Variants in CHD2 observed in about 807,000 individuals in gnomAD.
CHD2 encodes the protein ATP-dependent chromatin remodeler CHD2.
CHD2 carries 28 observed loss-of-function variants against 243.9 expected under a neutral mutation model. That is an observed-to-expected ratio of 0.11 (90% CI 0.09 to 0.16). The LOEUF is 0.16. Among genes scored for constraint, CHD2 ranks in the 10% least tolerant of loss-of-function variants. The pLI is 1.00. For synonymous variants in CHD2, 775 were observed against 779.0 expected, an observed-to-expected ratio of 0.99 and a Z score of 0.09; for missense variants, 1,386 against 2,209.8, an observed-to-expected ratio of 0.63 and a Z score of 7.47.
chr15:93,016,563 AC>A (rs2054462979), intron 37 of CHD2, among the ~76,000 whole-genome samples: 2 of 152,216 alleles, frequency 1.3e-5, no homozygotes, highest in Admixed American at 1.3e-4. Flanking sequence ...ATAAATACAT[AC>A]AATTTTTAAT....
In CHD2 at chr15:92,901,199, A is replaced by G. The variant is rs1163644431; in HGVS notation, c.-39A>G. On this transcript the variant is annotated 5_prime_UTR_variant, in exon 2 of 39. Coordinates refer to ENST00000394196, the MANE Select transcript of CHD2 (RefSeq NM_001271.4). The stretch of plus-strand genomic sequence containing the variant: ...CTGGGCACAGGACTTCAAAGCAAAC[A>G]CAGATTCCCCCTCCCCCTTAATATT... The G allele has an allele frequency of 7.7e-7, 1 of 1,294,038 alleles. No homozygotes were observed. Among genetic ancestry groups the G allele is most frequent in the Non-Finnish European group, 1.1e-6 (1 of 894,246 alleles). The allele number at this position is 1,294,038 out of a possible 1,614,324, so 80.2% of individuals were successfully genotyped here.
At chr15:92,918,393 TA>T (rs1231477222) in intron 2 of CHD2, among the ~76,000 whole-genome samples, 1 of 152,232 alleles carries the variant, frequency 6.6e-6, no homozygotes, top group Non-Finnish European at 1.5e-5. Context: ...ATTTGTTAAG[TA>T]AAAAATTATA....
chr15:92,914,357 AT>A (rs2052795568), intron 2 of CHD2, among the ~76,000 whole-genome samples: 1 of 152,232 alleles, frequency 6.6e-6, no homozygotes, highest in Non-Finnish European at 1.5e-5. Flanking sequence ...CCAGATCCTG[AT>A]TAGGTAGGTA....
intron 28 of CHD2, among the ~76,000 whole-genome samples, chr15:92,994,676 T>C (rs578133347): frequency 6.6e-6 from 1 of 152,352 alleles, no homozygotes; most frequent in Non-Finnish European, 1.5e-5. Context: ...AACGTATTCC[T>C]GTTACTTCTT....
At position 93,020,282 on chromosome 15, in the gene CHD2, C is replaced by T. The variant is rs370525738; in HGVS notation, c.5153+24C>T. The T allele has an allele frequency of 3.8e-5, 61 of 1,613,918 alleles. No homozygotes were observed. In the African/African-American group the frequency reaches 6.7e-4, roughly 18 times the overall value. On this transcript the variant is annotated intron_variant, in intron 38 of 38. Coordinates refer to ENST00000394196, the MANE Select transcript of CHD2 (RefSeq NM_001271.4). Reference sequence around the variant, plus strand: ...AGGTATGCAAAAGGCTGTGAGACACCAGGTGCCAACCTTTGCCAGGAGCTG... The same window carrying T: ...AGGTATGCAAAAGGCTGTGAGACACTAGGTGCCAACCTTTGCCAGGAGCTG...
rs748764469 is a variant in CHD2, at chr15:92,906,243, TTC to T, written c.62+4952_62+4953del. Among the ~76,000 whole-genome samples, 5 of 152,022 alleles carry T rather than the reference TTC, an allele frequency of 3.3e-5. No individual in the cohort carries two copies. In the South Asian group the frequency reaches 8.3e-4, roughly 25 times the overall value. The stretch of plus-strand genomic sequence containing the variant: ...CAGCAAGAAAAGAGTGTTGATCGAT[TTC>T]TCTCTCTTTCTCTCTCTCTCTCTGT... On this transcript the variant is annotated intron_variant, in intron 2 of 38. Coordinates refer to ENST00000394196, the MANE Select transcript of CHD2 (RefSeq NM_001271.4).
intron 4 of CHD2, 66 bp from the exon 5 acceptor site, chr15:92,928,964 A>T (rs566021904): frequency 1.4e-6 from 2 of 1,443,162 alleles, no homozygotes; most frequent in East Asian, 2.4e-5. Context: ...GATCCAGGAG[A>T]TAGTGTTGTC....
chr15:92,991,569 T>C (rs751586636), intron 27 of CHD2, 52 bp downstream of exon 27: 3 of 1,336,690 alleles, frequency 2.2e-6, no homozygotes, highest in Non-Finnish European at 3.1e-6. Flanking sequence ...TTTTATTATA[T>C]AGTACGTTCT....
At chr15:92,929,165 T>A (rs1379122795) in intron 5 of CHD2, 74 bp downstream of exon 5, 4 of 1,418,578 alleles carry the variant, frequency 2.8e-6, no homozygotes, top group Non-Finnish European at 3.9e-6. Flanking sequence ...CTGCCTTCGT[T>A]GTGTCTTTAG....
intron 2 of CHD2, chr15:92,904,880 T>C (rs2052590474): frequency 1.3e-6 from 2 of 1,532,212 alleles, no homozygotes; most frequent in South Asian, 1.2e-5. Flanking sequence ...TGAAAACCTC[T>C]TGACGGGTGT....
intron 18 of CHD2, 120 bp downstream of exon 18, chr15:92,972,047 A>G (rs2053848407): frequency 1.7e-6 from 2 of 1,156,860 alleles, no homozygotes; most frequent in Non-Finnish European, 2.4e-6. Flanking sequence ...GGAAGCTTTA[A>G]AAATGGGAGA....
chr15:92,970,216 T>C (rs1401587232), intron 17 of CHD2, among the ~76,000 whole-genome samples: 2 of 152,244 alleles, frequency 1.3e-5, no homozygotes, highest in East Asian at 3.9e-4. Flanking sequence ...ATTATTATTT[T>C]TTGAGATGGA....
rs190844943 is a variant in CHD2 at position 92,973,378 on chromosome 15, T to A, written c.2505+961T>A. 5.8e-4 allele frequency among the ~76,000 whole-genome samples: 88 copies of A among 152,332 alleles called. No individual in the cohort carries two copies. In the Middle Eastern group the frequency reaches 0.02, roughly 35 times the overall value. On this transcript the variant is annotated intron_variant, in intron 19 of 38. Transcript: ENST00000394196. ...CACATAGACATATACGCAATTTACC[T>A]TGTCTCTTGGCATGTTTATAGTGCT...
intron 6 of CHD2, 42 bp from the exon 7 acceptor site, chr15:92,939,536 A>T (rs1488667832): frequency 6.3e-7 from 1 of 1,594,094 alleles, no homozygotes; most frequent in African/African-American, 1.4e-5. Context: ...ACACCAAATG[A>T]TAAAGTGAAG....
At chr15:92,956,004 T>G (rs2053613498) in intron 15 of CHD2, among the ~76,000 whole-genome samples, 1 of 152,204 alleles carries the variant, frequency 6.6e-6, no homozygotes, top group African/African-American at 2.4e-5. Flanking sequence ...AATACCGCCT[T>G]TCTGCTAAGA....
intron 10 of CHD2, chr15:92,945,389 CTTCTTCT>C (rs1484334317): frequency 7.9e-6 from 1 of 126,516 alleles, no homozygotes; most frequent in Non-Finnish European, 1.7e-5. Context: ...TCTTCTTCTT[CTTCTTCT>C]TTTTTTTTTT....
chr15:92,942,737 T>G (rs2053403357), intron 8 of CHD2, 106 bp from the exon 9 acceptor site: 2 of 741,856 alleles, frequency 2.7e-6, no homozygotes, highest in Admixed American at 6.9e-5. Context: ...TGAAGTATTT[T>G]GGTGCTTCAT....
intron 27 of CHD2, 63 bp downstream of exon 27, chr15:92,991,580 T>C: frequency 8.1e-7 from 1 of 1,241,886 alleles, no homozygotes; most frequent in Non-Finnish European, 1.1e-6. Flanking sequence ...AGTACGTTCT[T>C]TTTTGGTAAA....
rs191348773 is a variant in CHD2, at chr15:92,986,380, A to G, written c.3413+707A>G. Among the ~76,000 whole-genome samples, 9 of 152,268 alleles carry G rather than the reference A, an allele frequency of 5.9e-5. No individual in the cohort carries two copies. In the East Asian group the frequency reaches 1.7e-3, roughly 29 times the overall value. ...CTAATCCATATTATAATTATATTAA[A>G]TAGTCCTTTAAGTTTCATGTATTTG... On this transcript the variant is annotated intron_variant, in intron 26 of 38. Transcript: ENST00000394196.
Sources: allele counts gnomAD v4.1 joint callset (sites outside exome capture counted in the v4.1 genomes callset), GRCh38; gene constraint gnomAD v4.1.1; transcripts MANE v1.5; gene names NCBI Gene and HGNC (gene_info 2026-07-23, HGNC 2026-07-21).